Variants in FARS2 observed in about 807,000 individuals in gnomAD.
FARS2 encodes phenylalanyl-tRNA synthetase 2, mitochondrial.
In FARS2, 40 loss-of-function variants were observed where a neutral mutation model predicts 46.4. That is an observed-to-expected ratio of 0.86 (90% CI 0.67 to 1.12). The LOEUF (loss-of-function observed/expected upper bound fraction) is 1.12. FARS2 is among the 50% of genes most tolerant of loss of function. FARS2 has a pLI of 0.00. For missense variants in FARS2, 513 were observed against 567.9 expected (o/e 0.90, Z 0.98); for synonymous variants, 234 against 214.9 (o/e 1.09, Z -0.78).
intron 6 of FARS2, among the ~76,000 whole-genome samples, chr6:5,721,864 T>C (rs1324111287): frequency 6.6e-6 from 1 of 152,236 alleles, no homozygotes; most frequent in Non-Finnish European, 1.5e-5. Flanking sequence ...AAAGAGTTGC[T>C]GGTTCAGCTC....
intron 6 of FARS2, among the ~76,000 whole-genome samples, chr6:5,628,120 G>C (rs905618373): frequency 6.6e-6 from 1 of 152,236 alleles, no homozygotes; most frequent in African/African-American, 2.4e-5. Context: ...TAGGAAGTAT[G>C]TAAATTATTC....
At chr6:5,279,136 G>T (rs1259780121) in intron 1 of FARS2, among the ~76,000 whole-genome samples, 3 of 152,100 alleles carry the variant, frequency 2.0e-5, no homozygotes, top group Non-Finnish European at 4.4e-5. Flanking sequence ...CCAGCATTTT[G>T]GGAGGCCTAG....
intron 6 of FARS2, among the ~76,000 whole-genome samples, chr6:5,724,857 C>A (rs540133277): frequency 2.6e-5 from 4 of 152,246 alleles, no homozygotes; most frequent in Admixed American, 1.3e-4. Context: ...AATACATCTG[C>A]CCCTTTTTGG....
chr6:5,295,623 A>T (rs985646491), intron 1 of FARS2, among the ~76,000 whole-genome samples: 1 of 152,232 alleles, frequency 6.6e-6, no homozygotes, highest in Non-Finnish European at 1.5e-5. Flanking sequence ...GGATAACCAT[A>T]GTCTTTGAAA....
intron 5 of FARS2, among the ~76,000 whole-genome samples, chr6:5,593,424 G>T (rs1774032498): frequency 6.6e-6 from 1 of 152,152 alleles, no homozygotes; most frequent in South Asian, 2.1e-4. Context: ...AGAACATGTT[G>T]CAGAGAAACA....
intron 4 of FARS2, among the ~76,000 whole-genome samples, chr6:5,534,223 T>C (rs1425773418): frequency 6.6e-6 from 1 of 150,488 alleles, no homozygotes; most frequent in Non-Finnish European, 1.5e-5. Flanking sequence ...ATGAAAACTT[T>C]CTTCAAAATT....
chr6:5,392,912 A>G (rs1466100453), intron 2 of FARS2, among the ~76,000 whole-genome samples: 1 of 81,652 alleles, frequency 1.2e-5, no homozygotes, highest in African/African-American at 4.3e-5. Context: ...TATATTATAT[A>G]TATGTATATA....
intron 5 of FARS2, 66 bp downstream of exon 5, chr6:5,545,406 T>C: frequency 1.1e-5 from 13 of 1,229,098 alleles, no homozygotes; most frequent in East Asian, 4.8e-5. Context: ...GACAGGATCA[T>C]GTACTTGAAA....
chr6:5,646,538 A>C (rs1777085010), intron 6 of FARS2, among the ~76,000 whole-genome samples: 1 of 152,152 alleles, frequency 6.6e-6, no homozygotes, highest in Admixed American at 6.5e-5. Flanking sequence ...AAGAATGCCT[A>C]GTAGGGTGTG....
chr6:5,645,239 T>C (rs62385477), intron 6 of FARS2, among the ~76,000 whole-genome samples: 4,699 of 152,348 alleles, frequency 0.031, 82 homozygotes, highest in Middle Eastern at 0.044. Context: ...TGCATTTACC[T>C]GCTTGCAGGC....
chr6:5,708,630 C>T (rs1353955637), intron 6 of FARS2, among the ~76,000 whole-genome samples: 1 of 152,066 alleles, frequency 6.6e-6, no homozygotes, highest in African/African-American at 2.4e-5. Context: ...ACAATCCCCC[C>T]AAATCCTTCT....
In FARS2 at chr6:5,329,062, G is replaced by A. The variant is rs531042964; in HGVS notation, c.-21-39488G>A. ...GGTGGGTAGGTTCTGTGGTATTAGA[G>A]TGCTGTGTTTCAGTGATAGTGTAGC... On this transcript the variant is annotated intron_variant, in intron 1 of 6. Transcript: ENST00000274680. Among the ~76,000 whole-genome samples the A allele has an allele frequency of 2.0e-5, 3 of 151,890 alleles. No individual in the cohort carries two copies. In the East Asian group the frequency reaches 5.8e-4, roughly 29 times the overall value.
chr6:5,681,579 A>T (rs1779035466), intron 6 of FARS2, among the ~76,000 whole-genome samples: 2 of 152,096 alleles, frequency 1.3e-5, no homozygotes, highest in Non-Finnish European at 2.9e-5. Context: ...GAAGAAAATC[A>T]CTCCTTTGCA....
upstream of FARS2, chr6:5,260,801 C>G (rs1765043610): frequency 6.5e-7 from 1 of 1,531,972 alleles, no homozygotes. Flanking sequence ...ACCCACGAAA[C>G]TCCAGCCTGT....
At chr6:5,319,838 C>G (rs1311720575) in intron 1 of FARS2, among the ~76,000 whole-genome samples, 1 of 152,140 alleles carries the variant, frequency 6.6e-6, no homozygotes, top group Non-Finnish European at 1.5e-5. Context: ...AATTCCTAAG[C>G]AGGAAAGCAT....
intron 6 of FARS2, among the ~76,000 whole-genome samples, chr6:5,730,359 TG>T (rs1362382659): frequency 2.0e-5 from 3 of 152,082 alleles, no homozygotes; most frequent in Non-Finnish European, 4.4e-5. Context: ...ACTAAATAGT[TG>T]GGGGAAGGTA....
Position 5,471,814 on chromosome 6 carries a change from C to A in FARS2, c.904+40642C>A, listed in dbSNP as rs565504983. Among the ~76,000 whole-genome samples, 409 of 152,242 alleles carry A rather than the reference C, an allele frequency of 2.7e-3. 1 individual carries two copies. The highest frequency in any genetic ancestry group is 9.3e-3 in the African/African-American group (388 of 41,538). ...TGGTGCGCCCCGTCTGACACCAGGGCGACTTGAGAATTGAGCCCAGGGAAG... is the reference window on the plus strand; with the variant it reads ...TGGTGCGCCCCGTCTGACACCAGGGAGACTTGAGAATTGAGCCCAGGGAAG... On this transcript the variant is annotated intron_variant, in intron 4 of 6. Coordinates refer to ENST00000274680, the MANE Select transcript of FARS2 (RefSeq NM_006567.5). The surrounding 1 kb of genome is among the most constrained non-coding windows in gnomAD (Gnocchi z 4.1).
In FARS2 at chr6:5,609,274, C is replaced by A. The variant is rs1357158859; in HGVS notation, c.1066-3895C>A. 8 of 1,040,900 alleles carry A rather than the reference C, an allele frequency of 7.7e-6. No homozygotes were observed. In the Admixed American group the frequency reaches 1.2e-4, roughly 15 times the overall value. The allele number at this position is 1,040,900 out of a possible 1,614,324, so 64.5% of individuals were successfully genotyped here. ...TAGCTACTGCTGCTACTGGAACTGC[C>A]CTAGCCACCTTGGTTTCATGGTTTG... On this transcript the variant is annotated intron_variant, in intron 5 of 6. Coordinates refer to ENST00000274680, the MANE Select transcript of FARS2 (RefSeq NM_006567.5).
chr6:5,295,380 A>G (rs929470174), intron 1 of FARS2, among the ~76,000 whole-genome samples: 3 of 152,172 alleles, frequency 2.0e-5, no homozygotes, highest in African/African-American at 2.4e-5. Flanking sequence ...TCATGGTGTT[A>G]TTCTAATTTT....
Sources: allele counts gnomAD v4.1 joint callset (sites outside exome capture counted in the v4.1 genomes callset), GRCh38; gene constraint gnomAD v4.1.1; non-coding constraint Gnocchi (gnomAD v3.1); transcripts MANE v1.5; gene names NCBI Gene and HGNC (gene_info 2026-07-23, HGNC 2026-07-21).